The following PMFBP1 variants were observed in gnomAD, a reference collection of about 807,000 sequenced individuals.
PMFBP1 encodes the protein polyamine-modulated factor 1-binding protein 1.
In PMFBP1, 131 loss-of-function variants were observed where a neutral mutation model predicts 137.8. That is an observed-to-expected ratio of 0.95 (90% CI 0.82 to 1.10). The LOEUF (loss-of-function observed/expected upper bound fraction) is 1.10, where lower values mean the gene tolerates loss of function less well. PMFBP1 is among the 50% of genes least tolerant of loss of function. The pLI is 0.00. For synonymous variants in PMFBP1, 490 were observed against 450.4 expected (o/e 1.09, Z -1.11); for missense variants, 1,199 against 1,175.4 (o/e 1.02, Z -0.29).
intron 7 of PMFBP1, among the ~76,000 whole-genome samples, chr16:72,138,877 T>G (rs1217985964): frequency 6.7e-6 from 1 of 149,110 alleles, no homozygotes; most frequent in East Asian, 2.0e-4. Flanking sequence ...AATCAACTTT[T>G]GATACTGCTT....
chr16:72,140,283 A>T (rs2042696730), intron 6 of PMFBP1, 129 bp downstream of exon 6: 9 of 921,568 alleles, frequency 9.8e-6, no homozygotes, highest in Non-Finnish European at 1.5e-5. Flanking sequence ...GTTGGGGGGC[A>T]AGTATATATC....
At chr16:72,159,137 G>A (rs11648622) in intron 3 of PMFBP1, among the ~76,000 whole-genome samples, 29,715 of 152,092 alleles carry the variant, frequency 0.2, 3,642 homozygotes, top group Non-Finnish European at 0.26. Context: ...CCACGTCCCT[G>A]TTTTTTCTTC....
the PMFBP1 span, among the ~76,000 whole-genome samples, chr16:72,201,679 T>C: frequency 1.3e-3 from 197 of 152,314 alleles, no homozygotes; most frequent in Non-Finnish European, 2.1e-3. Context: ...AATCACAACA[T>C]TTACCTTTCC....
the PMFBP1 span, among the ~76,000 whole-genome samples, chr16:72,200,604 G>A: frequency 6.6e-6 from 1 of 152,198 alleles, no homozygotes; most frequent in Non-Finnish European, 1.5e-5. Flanking sequence ...TTTTATTCCT[G>A]ATGAATTGCA....
the PMFBP1 span, among the ~76,000 whole-genome samples, chr16:72,212,879 T>C: frequency 6.6e-6 from 1 of 152,208 alleles, no homozygotes; most frequent in Non-Finnish European, 1.5e-5. Flanking sequence ...GACATCTTAA[T>C]AGCTGTATTT....
chr16:72,118,434 T>G (rs911600002), downstream of PMFBP1, among the ~76,000 whole-genome samples: 14 of 152,248 alleles, frequency 9.2e-5, no homozygotes, highest in African/African-American at 3.4e-4. Context: ...CAGTGAATTT[T>G]CTTGGCCTTT....
chr16:72,156,462 CA>C (rs549280175), intron 3 of PMFBP1, among the ~76,000 whole-genome samples: 1 of 151,034 alleles, frequency 6.6e-6, no homozygotes, highest in East Asian at 2.0e-4. Flanking sequence ...ACTAAAAATA[CA>C]AAAAAAATTA....
intron 5 of PMFBP1, among the ~76,000 whole-genome samples, chr16:72,142,054 C>A (rs2042731841): frequency 6.6e-6 from 1 of 151,040 alleles, no homozygotes; most frequent in African/African-American, 2.4e-5. Flanking sequence ...GGTGGTAGAT[C>A]CTTTCCCCAT....
the PMFBP1 span, among the ~76,000 whole-genome samples, chr16:72,243,016 G>A: frequency 2.0e-5 from 3 of 152,194 alleles, no homozygotes; most frequent in Non-Finnish European, 4.4e-5. Flanking sequence ...ATTCTCCAAG[G>A]AGACAAAATA....
chr16:72,124,557 G>A (rs1394955402), intron 17 of PMFBP1, among the ~76,000 whole-genome samples: 2 of 152,212 alleles, frequency 1.3e-5, no homozygotes, highest in African/African-American at 4.8e-5. Flanking sequence ...TGGGGCCTTC[G>A]CTCTGCTCAG....
At chr16:72,160,549 G>C (rs2043046351) in intron 3 of PMFBP1, among the ~76,000 whole-genome samples, 2 of 151,718 alleles carry the variant, frequency 1.3e-5, no homozygotes, top group Non-Finnish European at 2.9e-5. Flanking sequence ...GACTAGGTTG[G>C]CATTGTTCTG....
chr16:72,183,605 A>G, the PMFBP1 span, among the ~76,000 whole-genome samples: 1 of 151,928 alleles, frequency 6.6e-6, no homozygotes, highest in South Asian at 2.1e-4. Context: ...AACTCATTAC[A>G]CCTGCAATGA....
At chr16:72,164,389 G>T in intron 3 of PMFBP1, 1 of 1,297,358 alleles carries the variant, frequency 7.7e-7, no homozygotes, top group Non-Finnish European at 1.0e-6. Flanking sequence ...AGGTGTGATG[G>T]TTTTTATTTT....
intron 4 of PMFBP1, among the ~76,000 whole-genome samples, chr16:72,153,688 T>C (rs1370392713): frequency 6.6e-6 from 1 of 150,492 alleles, no homozygotes; most frequent in African/African-American, 2.5e-5. Flanking sequence ...GAAGCCTATA[T>C]GATCTAAAAC....
the PMFBP1 span, among the ~76,000 whole-genome samples, chr16:72,206,093 G>A: frequency 1.3e-5 from 2 of 152,206 alleles, no homozygotes; most frequent in African/African-American, 4.8e-5. Flanking sequence ...GGGGAAGTGA[G>A]TGAGAGTGAC....
chr16:72,234,375 C>T, the PMFBP1 span, among the ~76,000 whole-genome samples: 6 of 152,140 alleles, frequency 3.9e-5, no homozygotes, highest in African/African-American at 1.2e-4. Flanking sequence ...TCCCCAAATT[C>T]GTACAAACAC....
At chr16:72,222,467 G>C in the PMFBP1 span, among the ~76,000 whole-genome samples, 2 of 152,112 alleles carry the variant, frequency 1.3e-5, no homozygotes, top group African/African-American at 2.4e-5. Flanking sequence ...TATCAGGTCT[G>C]GGGGGATAGA....
chr16:72,146,590 G>C (rs1416879868), intron 5 of PMFBP1, among the ~76,000 whole-genome samples: 1 of 152,160 alleles, frequency 6.6e-6, no homozygotes, highest in Admixed American at 6.5e-5. Context: ...AATTGTCTCT[G>C]TTTGCAGATG....
chr16:72,235,138 T>C, the PMFBP1 span, among the ~76,000 whole-genome samples: 19 of 152,290 alleles, frequency 1.2e-4, no homozygotes, highest in South Asian at 1.7e-3. Context: ...GATTTGCTCC[T>C]ATGTTTTCTT....
Sources: allele counts gnomAD v4.1 joint callset (sites outside exome capture counted in the v4.1 genomes callset), GRCh38; gene constraint gnomAD v4.1.1; transcripts MANE v1.5; gene names NCBI Gene and HGNC (gene_info 2026-07-23, HGNC 2026-07-21).